The following NTRK1 variants were observed in gnomAD, a reference collection of about 807,000 sequenced individuals.
NTRK1 encodes the protein high affinity nerve growth factor receptor.
NTRK1 carries 62 observed loss-of-function variants against 86.8 expected under a neutral mutation model. That is an observed-to-expected ratio of 0.71 (90% CI 0.58 to 0.88). The LOEUF is 0.88. NTRK1 is among the 40% of genes least tolerant of loss of function. The pLI is 0.00. For missense variants in NTRK1, 967 were observed against 1,078.4 expected (o/e 0.90, Z 1.45); for synonymous variants, 469 against 456.6 (o/e 1.03, Z -0.35).
chr1:156,864,209 C>T (rs939099011), intron 1 of NTRK1, 145 bp from the exon 2 acceptor site: 3 of 747,972 alleles, frequency 4.0e-6, no homozygotes, highest in African/African-American at 3.6e-5. Context: ...GTGTGCACGC[C>T]TGTGTAAGTG....
chr1:156,842,626 C>G (rs891668899), intron 2 of NTRK1: 2 of 716,368 alleles, frequency 2.8e-6, no homozygotes, highest in Non-Finnish European at 5.0e-6. Context: ...TAACCCCAAC[C>G]ATGACTATAA....
At chr1:156,840,712 C>T in intron 1 of NTRK1, 1 of 641,876 alleles carries the variant, frequency 1.6e-6, no homozygotes, top group Non-Finnish European at 2.8e-6. Context: ...TGAGACCCCT[C>T]TGCCCACCCC....
chr1:156,849,172 G>C, intron 2 of NTRK1: 2 of 1,601,218 alleles, frequency 1.2e-6, no homozygotes, highest in South Asian at 2.2e-5. Context: ...TCCCCCTCGA[G>C]CTTTCTCCCT....
intron 7 of NTRK1, among the ~76,000 whole-genome samples, chr1:156,873,072 T>C (rs1374086804): frequency 1.5e-5 from 2 of 131,352 alleles, no homozygotes; most frequent in East Asian, 4.5e-4. Context: ...TTTGAAGAGA[T>C]GGGGTCTCAG....
rs541548522 is a variant in NTRK1 at position 156,876,769 on chromosome 1, G to C, written c.1805+197G>C. On this transcript the variant is annotated intron_variant, in intron 14 of 16. Coordinates refer to ENST00000524377, the MANE Select transcript of NTRK1 (RefSeq NM_002529.4). ...TGAACATAGGGGTGACTCTTGCAAA[G>C]GACAAGTGTCAGTAGTCAGGGAGGT... is the stretch of plus-strand genomic sequence containing the variant. 4.6e-5 allele frequency among the ~76,000 whole-genome samples: 7 copies of C among 152,288 alleles called. No homozygotes were observed. In the South Asian group the frequency reaches 1.4e-3, roughly 32 times the overall value.
intron 1 of NTRK1, among the ~76,000 whole-genome samples, chr1:156,829,241 G>A (rs1037839312): frequency 2.6e-5 from 4 of 152,152 alleles, no homozygotes; most frequent in African/African-American, 9.7e-5. Context: ...AGGTGAGAAG[G>A]AGCCAGCCAT....
chr1:156,857,309 C>A (rs538793272), upstream of NTRK1, among the ~76,000 whole-genome samples: 1 of 152,074 alleles, frequency 6.6e-6, no homozygotes, highest in African/African-American at 2.4e-5. Context: ...TCAGGCTCTG[C>A]GAGGCAGATA....
intron 1 of NTRK1, among the ~76,000 whole-genome samples, chr1:156,825,188 C>T (rs1654288833): frequency 6.6e-6 from 1 of 152,188 alleles, no homozygotes; most frequent in Admixed American, 6.5e-5. Flanking sequence ...TGCACCTGGC[C>T]CAGTAGGGAC....
At chr1:156,845,567 C>T in intron 2 of NTRK1, 1 of 1,498,980 alleles carries the variant, frequency 6.7e-7, no homozygotes, top group East Asian at 2.3e-5. Flanking sequence ...AAGACCCGCC[C>T]CTCACAGGCC....
intron 16 of NTRK1, 68 bp from the exon 17 acceptor site, chr1:156,881,389 T>A: frequency 6.7e-7 from 1 of 1,498,650 alleles, no homozygotes; most frequent in Non-Finnish European, 9.0e-7. Flanking sequence ...GTGAGGGCAC[T>A]GGGACTGGCC....
At chr1:156,851,950 G>T (rs55881234) in intron 2 of NTRK1, 1 of 1,606,394 alleles carries the variant, frequency 6.2e-7, no homozygotes, top group African/African-American at 1.3e-5. Context: ...GGTGTATGCC[G>T]AAGGTGGAGG....
intron 16 of NTRK1, 39 bp downstream of exon 16, chr1:156,880,196 C>A (rs1202564721): frequency 6.2e-7 from 1 of 1,607,262 alleles, no homozygotes; most frequent in Non-Finnish European, 8.5e-7. Context: ...CTGGCCTCCC[C>A]GTCCCATGCC....
At chr1:156,831,045 G>A (rs572185264) in intron 1 of NTRK1, among the ~76,000 whole-genome samples, 10 of 152,344 alleles carry the variant, frequency 6.6e-5, no homozygotes, top group Admixed American at 3.3e-4. Flanking sequence ...AACCCTGCAT[G>A]CTGCTGGGCC....
chr1:156,846,102 C>T (rs1484546818), intron 2 of NTRK1: 1 of 1,602,878 alleles, frequency 6.2e-7, no homozygotes, highest in Non-Finnish European at 8.5e-7. Context: ...GAGATGACGT[C>T]TTGGGGCACC....
intron 2 of NTRK1, among the ~76,000 whole-genome samples, chr1:156,850,926 G>T (rs1015718428): frequency 1.3e-5 from 2 of 152,290 alleles, no homozygotes; most frequent in East Asian, 3.9e-4. Context: ...ATAGGAATGG[G>T]TTTCAAACCC....
chr1:156,829,012 G>A (rs1314510790), intron 1 of NTRK1, among the ~76,000 whole-genome samples: 1 of 152,226 alleles, frequency 6.6e-6, no homozygotes, highest in African/African-American at 2.4e-5. Flanking sequence ...GATGTAGCTG[G>A]CAGTGCCAGG....
rs1411131888 is a variant in NTRK1 at position 156,861,068 on chromosome 1, C to G, written c.134C>G (p.Ser45Cys). 6.4e-7 allele frequency: 1 copy of G among 1,570,642 alleles called. No homozygotes were observed. The highest frequency in any genetic ancestry group is 1.2e-5 in the South Asian group (1 of 86,664). Residue 45 changes from serine (S) to cysteine (C), a missense_variant, in exon 1 of 17, where the codon TCC becomes TGC. Coordinates refer to ENST00000524377, the MANE Select transcript of NTRK1 (RefSeq NM_002529.4). The stretch of plus-strand genomic sequence containing the variant: ...CCCGATGCCTGCTGCCCCCACGGCT[C>G]CTCGGGACTGCGATGCACCCGGGAT... ...PCPDACCPHGSSGLRCTRDGA... is the reference protein window; with the variant it reads ...PCPDACCPHGCSGLRCTRDGA...
intron 2 of NTRK1, chr1:156,844,789 CTG>C: frequency 6.2e-7 from 1 of 1,614,164 alleles, no homozygotes; most frequent in South Asian, 1.1e-5. Flanking sequence ...CAGAAGGACA[CTG>C]TTCTTGCTGG....
chr1:156,837,627 T>G (rs1014866776), intron 1 of NTRK1: 2 of 152,168 alleles, frequency 1.3e-5, no homozygotes, highest in African/African-American at 4.8e-5. Context: ...GAGCAGGTGG[T>G]GTTGGCCTGA....
Sources: allele counts gnomAD v4.1 joint callset (sites outside exome capture counted in the v4.1 genomes callset), GRCh38; gene constraint gnomAD v4.1.1; transcripts MANE v1.5; gene names NCBI Gene and HGNC (gene_info 2026-07-23, HGNC 2026-07-21).